The following CLEC12A variants were observed in gnomAD, a reference collection of about 807,000 sequenced individuals.
CLEC12A encodes C-type lectin domain family 12 member A.
In CLEC12A, 22 loss-of-function variants were observed where a neutral mutation model predicts 26.5. The ratio of observed to expected loss-of-function variants is 0.83; its 90% CI spans 0.59 to 1.19. CLEC12A has a LOEUF of 1.19. Among genes scored for constraint, CLEC12A ranks in the 50% most tolerant of loss-of-function variants. The pLI, the probability that CLEC12A is intolerant of heterozygous loss-of-function variation, is 0.00. For missense variants in CLEC12A, 353 were observed against 315.6 expected, an observed-to-expected ratio of 1.12 and a Z score of -0.90; for synonymous variants, 119 against 101.9, an observed-to-expected ratio of 1.17 and a Z score of -1.01.
At chr12:9,956,600 G>A (rs1022877834) in intron 1 of CLEC12A, among the ~76,000 whole-genome samples, 3 of 152,188 alleles carry the variant, frequency 2.0e-5, no homozygotes, top group African/African-American at 4.8e-5. Flanking sequence ...AATCAAATCT[G>A]AGATTCCTTA....
At chr12:9,995,889 A>G (rs2137238856), downstream of CLEC12A, among the ~76,000 whole-genome samples, 1 of 152,278 alleles carries the variant, frequency 6.6e-6, no homozygotes, top group South Asian at 2.1e-4. Flanking sequence ...TGTCGAGGTT[A>G]AGCATTTTTC....
At chr12:10,002,965 C>A in the CLEC12A span, among the ~76,000 whole-genome samples, 1 of 152,156 alleles carries the variant, frequency 6.6e-6, no homozygotes. Context: ...GATCAATATA[C>A]AGGGATGTCC....
chr12:9,959,873 C>A (rs574105878), intron 1 of CLEC12A, among the ~76,000 whole-genome samples: 1 of 152,296 alleles, frequency 6.6e-6, no homozygotes, highest in East Asian at 1.9e-4. Context: ...TTCCTGGACT[C>A]TCTGATGCTT....
the CLEC12A span, among the ~76,000 whole-genome samples, chr12:10,004,720 C>A: frequency 2.0e-5 from 3 of 151,862 alleles, no homozygotes; most frequent in African/African-American, 7.3e-5. Flanking sequence ...TGCCAGTCTC[C>A]CAGCTTAAGG....
intron 1 of CLEC12A, among the ~76,000 whole-genome samples, chr12:9,975,915 C>T (rs1307639296): frequency 6.6e-6 from 1 of 152,206 alleles, no homozygotes; most frequent in Non-Finnish European, 1.5e-5. Context: ...GGCTAAGGTA[C>T]AGCTCAGGTC....
chr12:9,998,206 G>A (rs1200004249), downstream of CLEC12A: 1 of 1,092,632 alleles, frequency 9.2e-7, no homozygotes, highest in East Asian at 2.4e-5. Context: ...CGACCATTGA[G>A]AAGCTTAGTG....
At chr12:9,987,923 C>G (rs1864807915), downstream of CLEC12A, among the ~76,000 whole-genome samples, 1 of 152,108 alleles carries the variant, frequency 6.6e-6, no homozygotes, top group Non-Finnish European at 1.5e-5. Context: ...ATTCTCCTGC[C>G]TCAGCCTACC....
At chr12:9,978,907 A>T in intron 1 of CLEC12A, 59 bp from the exon 2 acceptor site, 1 of 1,201,486 alleles carries the variant, frequency 8.3e-7, no homozygotes, top group Non-Finnish European at 1.2e-6. Context: ...GAATGAGTAA[A>T]TAATCCAAAT....
At chr12:9,969,810 A>T (rs188813422), upstream of CLEC12A, among the ~76,000 whole-genome samples, 126 of 152,376 alleles carry the variant, frequency 8.3e-4, no homozygotes, top group Admixed American at 1.3e-3. Flanking sequence ...GAGAGGCCTT[A>T]TAGCCTGTGC....
At chr12:9,999,170 T>C (rs1865125185), downstream of CLEC12A, 3 of 946,434 alleles carry the variant, frequency 3.2e-6, no homozygotes, top group Non-Finnish European at 5.1e-6. Context: ...AACTTTACAA[T>C]TTCAGTATCT....
At chr12:9,989,008 A>G (rs1308782011), downstream of CLEC12A, among the ~76,000 whole-genome samples, 1 of 152,188 alleles carries the variant, frequency 6.6e-6, no homozygotes, top group African/African-American at 2.4e-5. Flanking sequence ...TGTGGCACAT[A>G]TACACCATGG....
intron 1 of CLEC12A, among the ~76,000 whole-genome samples, chr12:9,955,412 A>ACAT (rs1204485666): frequency 6.6e-6 from 1 of 152,192 alleles, no homozygotes; most frequent in Non-Finnish European, 1.5e-5. Context: ...ACTTAGGTGA[A>ACAT]CATCTAATAT....
intron 3 of CLEC12A, among the ~76,000 whole-genome samples, chr12:9,980,372 A>G (rs1591833115): frequency 6.6e-6 from 1 of 150,956 alleles, no homozygotes; most frequent in Admixed American, 6.6e-5. Context: ...CAGGAGGTGG[A>G]GGCTGCTGTG....
intron 1 of CLEC12A, 115 bp from the exon 2 acceptor site, chr12:9,978,851 T>G: frequency 6.9e-6 from 5 of 722,610 alleles, no homozygotes; most frequent in South Asian, 6.8e-5. Flanking sequence ...ATCCATTTCT[T>G]TCCAATAGGC....
At chr12:9,972,913 C>T (rs942281274) in intron 1 of CLEC12A, among the ~76,000 whole-genome samples, 1 of 152,080 alleles carries the variant, frequency 6.6e-6, no homozygotes, top group African/African-American at 2.4e-5. Context: ...ATATTACCAA[C>T]AATTGCCCTT....
intron 1 of CLEC12A, among the ~76,000 whole-genome samples, chr12:9,965,084 C>T (rs12229020): frequency 6.6e-6 from 1 of 151,848 alleles, no homozygotes; most frequent in African/African-American, 2.4e-5. Flanking sequence ...ATTATGAGAA[C>T]CGTAGAGAAT....
At chr12:9,994,796 A>G (rs1864991580) in intron 4 of CLEC12A, among the ~76,000 whole-genome samples, 1 of 151,668 alleles carries the variant, frequency 6.6e-6, no homozygotes, top group Non-Finnish European at 1.5e-5. Context: ...TAATCAGAAC[A>G]AGCAAAACAC....
downstream of CLEC12A, chr12:9,995,717 A>T (rs1018437424): frequency 4.7e-6 from 1 of 212,522 alleles, no homozygotes; most frequent in African/African-American, 2.4e-5. Flanking sequence ...AGTTAATTGG[A>T]TAAAGGCATT....
chr12:9,961,193 A>C (rs1565547717), intron 1 of CLEC12A, among the ~76,000 whole-genome samples: 1 of 152,206 alleles, frequency 6.6e-6, no homozygotes, highest in Non-Finnish European at 1.5e-5. Flanking sequence ...TTATCATGCA[A>C]ATGAAGCCTC....
Sources: allele counts gnomAD v4.1 joint callset (sites outside exome capture counted in the v4.1 genomes callset), GRCh38; gene constraint gnomAD v4.1.1; transcripts MANE v1.5; gene names NCBI Gene and HGNC (gene_info 2026-07-23, HGNC 2026-07-21).